The following APC variants were observed in gnomAD, a reference collection of about 807,000 sequenced individuals.
The protein encoded by APC is adenomatous polyposis coli protein.
Under a neutral mutation model 247.0 loss-of-function variants are expected in APC, and 72 were observed. The ratio of observed to expected loss-of-function variants is 0.29; its 90% CI spans 0.24 to 0.35. The LOEUF is 0.35. Among genes scored for constraint, APC ranks in the 10% least tolerant of loss-of-function variants. The pLI, the probability that APC is intolerant of heterozygous loss-of-function variation, is 1.00. For synonymous variants in APC, 1,254 were observed against 1,162.5 expected (o/e 1.08, Z -1.60); for missense variants, 3,400 against 3,360.7 (o/e 1.01, Z -0.29).
rs1268173614 is a variant in APC at position 112,843,331 on chromosome 5, A to G, written c.7737A>G (p.Glu2579=). Residue 2579 remains glutamate (E), a synonymous_variant, in exon 16 of 16, where the codon GAA becomes GAG. Coordinates refer to ENST00000257430, the MANE Select transcript of APC (RefSeq NM_000038.6). The surrounding 1 kb of genome is among the most constrained non-coding windows in gnomAD (Gnocchi z 4.8). ...SSSSILSASS[E]SSEKAKSEDE... is the part of the protein sequence containing the mutation. ...CTTCAATTCTTTCTGCTTCATCAGAATCCAGTGAAAAAGCAAAAAGTGAGG... is the reference window on the plus strand; with the variant it reads ...CTTCAATTCTTTCTGCTTCATCAGAGTCCAGTGAAAAAGCAAAAAGTGAGG... The G allele has an allele frequency of 2.5e-6, 4 of 1,613,910 alleles. No individual in the cohort carries two copies. The highest frequency in any genetic ancestry group is 3.4e-6 in the Non-Finnish European group (4 of 1,179,824).
At chr5:112,831,135 A>T in intron 14 of APC, among the ~76,000 whole-genome samples, 1 of 150,590 alleles carries the variant, frequency 6.6e-6, no homozygotes, top group Non-Finnish European at 1.5e-5. Flanking sequence ...TTTGAGATGG[A>T]GTCTTGCTCT....
At chr5:112,728,250 C>G (rs1026821752) in intron 1 of APC, among the ~76,000 whole-genome samples, 16 of 152,082 alleles carry the variant, frequency 1.1e-4, no homozygotes, top group Admixed American at 3.3e-4. Context: ...GCCTCAACCT[C>G]CTGAGTAGCT....
chr5:112,802,751 G>A (rs184654696), intron 8 of APC, among the ~76,000 whole-genome samples: 12 of 152,108 alleles, frequency 7.9e-5, no homozygotes, highest in Admixed American at 3.9e-4. Context: ...TAGATTTCAC[G>A]TTACAGCATG....
intron 6 of APC, among the ~76,000 whole-genome samples, chr5:112,787,598 T>G (rs2149668502): frequency 6.6e-6 from 1 of 152,314 alleles, no homozygotes; most frequent in African/African-American, 2.4e-5. Context: ...GTTTTCTTTC[T>G]AAGTTACTTC....
intron 14 of APC, among the ~76,000 whole-genome samples, chr5:112,830,878 A>G (rs145726453): frequency 6.6e-6 from 1 of 152,178 alleles, no homozygotes; most frequent in Non-Finnish European, 1.5e-5. Flanking sequence ...TTATGGGTGT[A>G]TACATGTATG....
At chr5:112,809,724 C>T (rs1285125126) in intron 8 of APC, among the ~76,000 whole-genome samples, 1 of 152,022 alleles carries the variant, frequency 6.6e-6, no homozygotes, top group Non-Finnish European at 1.5e-5. Context: ...AGAGAGCAGT[C>T]AGGCGTGATG....
intron 1 of APC, among the ~76,000 whole-genome samples, chr5:112,730,043 A>T (rs1752019976): frequency 6.6e-6 from 1 of 152,226 alleles, no homozygotes; most frequent in Admixed American, 6.5e-5. Context: ...AACTAAATTA[A>T]CATAAAGATG....
intron 2 of APC, among the ~76,000 whole-genome samples, chr5:112,757,037 G>C (rs1335663402): frequency 6.6e-6 from 1 of 152,112 alleles, no homozygotes; most frequent in Non-Finnish European, 1.5e-5. Flanking sequence ...TTCGGATTTA[G>C]AATGCTCAAC....
intron 6 of APC, among the ~76,000 whole-genome samples, chr5:112,788,026 A>G (rs1580407202): frequency 6.6e-6 from 1 of 152,088 alleles, no homozygotes. Flanking sequence ...TGTTAACTGA[A>G]TTTCTCATTA....
intron 1 of APC, among the ~76,000 whole-genome samples, chr5:112,752,831 A>G (rs1247746860): frequency 1.3e-5 from 2 of 152,270 alleles, no homozygotes; most frequent in South Asian, 2.1e-4. Flanking sequence ...TCTAGAGCAG[A>G]AAGAACTTTA....
At chr5:112,752,469 T>TA (rs1278112298) in intron 1 of APC, among the ~76,000 whole-genome samples, 2 of 152,128 alleles carry the variant, frequency 1.3e-5, no homozygotes, top group Non-Finnish European at 2.9e-5. Flanking sequence ...ACCCCACACT[T>TA]ACAAGGTGCA....
In APC at chr5:112,758,258, A is replaced by G. The variant is rs369952; in HGVS notation, c.135+3233A>G. On this transcript the variant is annotated intron_variant, in intron 2 of 15. Transcript: ENST00000257430. ...TAGCTAATCTTAAAAAAAGTTGTGT[A>G]GTGTATTTTTTACTCCATGGCTAGA... 0.98 allele frequency among the ~76,000 whole-genome samples: 149,671 copies of G among 152,332 alleles called. 73,589 individuals carry two copies. The highest frequency in any genetic ancestry group is 1 in the Middle Eastern group (294 of 294).
intron 5 of APC, chr5:112,778,550 AT>A (rs34304705): frequency 7.1e-4 from 101 of 143,118 alleles, no homozygotes; most frequent in Admixed American, 7.7e-4. Context: ...CACGTAACTT[AT>A]TTTTTTTTTT....
At chr5:112,799,206 G>GAAA (rs1561511800) in intron 7 of APC, among the ~76,000 whole-genome samples, 11 of 140,184 alleles carry the variant, frequency 7.8e-5, no homozygotes, top group South Asian at 2.2e-4. Context: ...AAAAAAAAAG[G>GAAA]CACTTTAATA....
At chr5:112,740,596 C>T (rs1241348385) in intron 1 of APC, among the ~76,000 whole-genome samples, 2 of 142,136 alleles carry the variant, frequency 1.4e-5, no homozygotes, top group African/African-American at 5.3e-5. Context: ...GCAAACATGG[C>T]TCACTTGCAG....
Position 112,839,929 on chromosome 5 carries a change from A to G in APC, c.4335A>G (p.Thr1445=), listed in dbSNP as rs1200823451. Residue 1445 remains threonine (T), a synonymous_variant, in exon 16 of 16, where the codon ACA becomes ACG. Transcript: ENST00000257430. This position sits in a 1 kb window ranked among gnomAD's most constrained non-coding sequence, Gnocchi z 5.0. ...AAACACCTCCACCACCTCCTCAAAC[A>G]GCTCAAACCAAGCGAGAAGTACCTA... ...RSKTPPPPPQ[T]AQTKREVPKN... 1.9e-6 allele frequency: 3 copies of G among 1,614,156 alleles called. No homozygotes were observed. The highest frequency in any genetic ancestry group is 1.3e-5 in the African/African-American group (1 of 75,048).
chr5:112,797,846 A>T (rs957429215), intron 7 of APC, among the ~76,000 whole-genome samples: 2 of 152,194 alleles, frequency 1.3e-5, no homozygotes, highest in African/African-American at 4.8e-5. Flanking sequence ...AATATGCTCA[A>T]TCATTAAGGA....
At chr5:112,751,181 A>G (rs1467219067) in intron 1 of APC, among the ~76,000 whole-genome samples, 1 of 152,088 alleles carries the variant, frequency 6.6e-6, no homozygotes, top group East Asian at 1.9e-4. Flanking sequence ...GATTCCCCAG[A>G]TGATTAACAT....
chr5:112,775,826 T>C (rs932980307), intron 5 of APC, 89 bp downstream of exon 5: 2 of 734,608 alleles, frequency 2.7e-6, no homozygotes, highest in African/African-American at 3.5e-5. Flanking sequence ...TCAGGATAAC[T>C]GAATTTATAG....
Sources: gnomAD v4.1 joint callset for allele counts (sites outside exome capture counted in the v4.1 genomes callset) on GRCh38, gnomAD v4.1.1 for gene constraint, Gnocchi (gnomAD v3.1) non-coding constraint, MANE v1.5 for transcripts, NCBI Gene and HGNC (gene_info 2026-07-23, HGNC 2026-07-21) for gene names.